The following MCPH1 variants were observed in gnomAD, a reference collection of about 807,000 sequenced individuals.
The protein encoded by MCPH1 is microcephalin.
A neutral mutation model predicts 84.5 loss-of-function variants in MCPH1; 104 were observed. The ratio of observed to expected loss-of-function variants is 1.23; its 90% CI spans 1.05 to 1.45. MCPH1 has a LOEUF of 1.45. MCPH1 is among the 40% of genes most tolerant of loss of function. MCPH1 has a pLI of 0.00. For missense variants in MCPH1, 1,498 were observed against 1,005.7 expected, an observed-to-expected ratio of 1.49 and a Z score of -6.62; for synonymous variants, 514 against 366.8, an observed-to-expected ratio of 1.40 and a Z score of -4.58.
chr8:6,578,809 C>T (rs562509264), intron 12 of MCPH1, among the ~76,000 whole-genome samples: 4 of 152,286 alleles, frequency 2.6e-5, no homozygotes, highest in South Asian at 4.1e-4. Flanking sequence ...GGCTCAGACT[C>T]GCACGTGGTT....
At chr8:6,441,127 T>C (rs1803450706) in intron 6 of MCPH1, among the ~76,000 whole-genome samples, 2 of 152,176 alleles carry the variant, frequency 1.3e-5, no homozygotes, top group Admixed American at 1.3e-4. Flanking sequence ...TGAAATGTAG[T>C]CTTGACTGGG....
intron 12 of MCPH1, among the ~76,000 whole-genome samples, chr8:6,548,368 T>C (rs920141700): frequency 6.6e-5 from 10 of 152,222 alleles, no homozygotes; most frequent in African/African-American, 2.4e-4. Flanking sequence ...AAGTCCATGC[T>C]AGCCTAGGAA....
intron 12 of MCPH1, among the ~76,000 whole-genome samples, chr8:6,589,707 T>A (rs138156881): frequency 1.3e-4 from 20 of 152,348 alleles, no homozygotes; most frequent in African/African-American, 4.1e-4. Context: ...CTGCTTTTTC[T>A]TAGTGATCTC....
chr8:6,553,690 C>G (rs1824082423), intron 12 of MCPH1, among the ~76,000 whole-genome samples: 1 of 151,294 alleles, frequency 6.6e-6, no homozygotes. Context: ...TTTACCTCTC[C>G]CCTTTTCCTT....
At chr8:6,484,851 C>T (rs185756831) in intron 11 of MCPH1, among the ~76,000 whole-genome samples, 2 of 152,262 alleles carry the variant, frequency 1.3e-5, no homozygotes, top group African/African-American at 2.4e-5. Flanking sequence ...GTGGTTGCCG[C>T]GCATTAAGGT....
intron 13 of MCPH1, chr8:6,622,176 C>G (rs998064280): frequency 4.9e-6 from 1 of 204,132 alleles, no homozygotes. Flanking sequence ...AGACGTCAAA[C>G]GACTCCATCT....
intron 9 of MCPH1, among the ~76,000 whole-genome samples, chr8:6,471,178 AC>A (rs1268876146): frequency 6.6e-6 from 1 of 152,176 alleles, no homozygotes; most frequent in African/African-American, 2.4e-5. Flanking sequence ...TAAGCAAAGT[AC>A]CAGGCTTCTT....
intron 1 of MCPH1, 57 bp from the exon 2 acceptor site, chr8:6,409,222 T>C: frequency 7.2e-7 from 1 of 1,389,822 alleles, no homozygotes; most frequent in South Asian, 1.2e-5. Context: ...CAAAATCTAT[T>C]GGGCAGGGGA....
intron 12 of MCPH1, among the ~76,000 whole-genome samples, chr8:6,561,866 GATCATCTGTGAAACAGTGGA>G (rs535876640): frequency 2.0e-5 from 3 of 152,168 alleles, no homozygotes; most frequent in South Asian, 2.1e-4. Flanking sequence ...GAAACAGTGG[GATCATCTGTGAAACAGTGGA>G]ATCACCCCAA....
At chr8:6,526,547 A>G (rs1377770692) in intron 12 of MCPH1, among the ~76,000 whole-genome samples, 2 of 152,228 alleles carry the variant, frequency 1.3e-5, no homozygotes, top group Non-Finnish European at 2.9e-5. Flanking sequence ...ATGAAAGAAA[A>G]ATATTTGAAT....
chr8:6,554,822 G>C (rs982514861), intron 12 of MCPH1, among the ~76,000 whole-genome samples: 1 of 152,162 alleles, frequency 6.6e-6, no homozygotes, highest in Admixed American at 6.5e-5. Flanking sequence ...GTTTTAGCTG[G>C]TTGCAGGAGG....
chr8:6,577,312 C>T (rs558927947), intron 12 of MCPH1, among the ~76,000 whole-genome samples: 54 of 152,306 alleles, frequency 3.5e-4, no homozygotes, highest in Non-Finnish European at 6.0e-4. Context: ...ACGTGTGCTC[C>T]AGAACCCGGT....
At chr8:6,478,298 A>G (rs1808740640) in intron 10 of MCPH1, among the ~76,000 whole-genome samples, 1 of 152,204 alleles carries the variant, frequency 6.6e-6, no homozygotes, top group Non-Finnish European at 1.5e-5. Context: ...GCTTAGAAAT[A>G]AAAGCACTGA....
Position 6,564,076 on chromosome 8 carries a change from G to T in MCPH1, c.2215-57378G>T, listed in dbSNP as rs560584189. ...GGCTCACTGCAACCTCCGCCTTCCG[G>T]GTTCAAGTGATTCTCTTGCCTCAGG... is the stretch of plus-strand genomic sequence containing the variant. On this transcript the variant is annotated intron_variant, in intron 12 of 13. Coordinates refer to ENST00000344683, the MANE Select transcript of MCPH1 (RefSeq NM_024596.5). Among the ~76,000 whole-genome samples the T allele has an allele frequency of 2.0e-5, 3 of 151,630 alleles. No individual in the cohort carries two copies. In the South Asian group the frequency reaches 6.3e-4, roughly 32 times the overall value.
At chr8:6,571,794 G>C (rs960535208) in intron 12 of MCPH1, among the ~76,000 whole-genome samples, 1 of 152,114 alleles carries the variant, frequency 6.6e-6, no homozygotes, top group South Asian at 2.1e-4. Context: ...GGGAAATTAG[G>C]CTTGATTATA....
intron 3 of MCPH1, among the ~76,000 whole-genome samples, chr8:6,425,033 A>T (rs1800853419): frequency 6.6e-6 from 1 of 152,234 alleles, no homozygotes; most frequent in South Asian, 2.1e-4. Context: ...CAAGAGTAGC[A>T]TAAAGAATGC....
In MCPH1 at chr8:6,648,425, G is replaced by A. The variant is rs1372272805; in HGVS notation, c.*5376G>A. The A allele has an allele frequency of 6.6e-6, 1 of 152,174 alleles. No individual in the cohort carries two copies. Among genetic ancestry groups the A allele is most frequent in the Non-Finnish European group, 1.5e-5 (1 of 68,044 alleles). 9.4% of individuals were successfully genotyped at this position (152,174 alleles called of 1,614,324 possible). ...TGCAGATAACAGCCCAGGGGAATCTGGGCAGCACTGTGAAACCAACATTTC... is the reference window on the plus strand; with the variant it reads ...TGCAGATAACAGCCCAGGGGAATCTAGGCAGCACTGTGAAACCAACATTTC... On this transcript the variant is annotated 3_prime_UTR_variant, in exon 14 of 14. Transcript: ENST00000344683.
chr8:6,445,394 C>A lies in MCPH1; in HGVS notation c.1672C>A (p.Leu558Met). The A allele has an allele frequency of 6.2e-7, 1 of 1,614,216 alleles. No individual in the cohort carries two copies. Among genetic ancestry groups the A allele is most frequent in the South Asian group, 1.1e-5 (1 of 91,074 alleles). Residue 558 changes from leucine (L) to methionine (M), a missense_variant, in exon 8 of 14, where the codon CTG becomes ATG. Transcript: ENST00000344683. ...SLEEMKEAVGLKSTQNKGTTS... is the reference protein window; with the variant it reads ...SLEEMKEAVGMKSTQNKGTTS... ...TGAAGAAATGAAAGAAGCGGTTGGT[C>A]TGAAAAGCACACAGAACAAAGGTAC... is the stretch of plus-strand genomic sequence containing the variant.
chr8:6,635,167 C>T (rs1050180825), intron 13 of MCPH1: 16 of 152,196 alleles, frequency 1.1e-4, no homozygotes, highest in Non-Finnish European at 2.4e-4. Context: ...AAGAAGTACA[C>T]ATTAATGTCA....
Sources: gnomAD v4.1 joint callset for allele counts (sites outside exome capture counted in the v4.1 genomes callset) on GRCh38, gnomAD v4.1.1 for gene constraint, MANE v1.5 for transcripts, NCBI Gene and HGNC (gene_info 2026-07-23, HGNC 2026-07-21) for gene names.